The following DNAJC24 variants were observed in gnomAD, a reference collection of about 807,000 sequenced individuals.
DNAJC24 encodes the protein dnaJ homolog subfamily C member 24.
DNAJC24 carries 17 observed loss-of-function variants against 18.0 expected under a neutral mutation model. The observed-to-expected ratio is 0.94, with a 90% CI of 0.65 to 1.42. The LOEUF is 1.42. Ranked by LOEUF, DNAJC24 falls within the 40% of genes most tolerant of loss-of-function variation. The pLI is 0.00. For synonymous variants in DNAJC24, 55 were observed against 57.7 expected, an observed-to-expected ratio of 0.95 and a Z score of 0.21; for missense variants, 158 against 175.6, an observed-to-expected ratio of 0.90 and a Z score of 0.57.
In DNAJC24 at chr11:31,414,919, A is replaced by T; in HGVS notation, c.220A>T (p.Thr74Ser). 1 of 1,614,036 alleles carries T rather than the reference A, an allele frequency of 6.2e-7. No individual in the cohort carries two copies. ...QAWKILGNEE[T>S]KREYDLQRCE... is the part of the protein sequence containing the mutation. ...ATGGAAAATTCTAGGAAATGAAGAGACAAAAAGAGAGTATGACCTGCAGCG... is the reference window on the plus strand; with the variant it reads ...ATGGAAAATTCTAGGAAATGAAGAGTCAAAAAGAGAGTATGACCTGCAGCG... Residue 74 changes from threonine (T) to serine (S), a missense_variant, in exon 3 of 5, where the codon ACA (threonine) becomes TCA (serine). Physicochemically the swap from Thr to Ser is moderately conservative, Grantham distance 58. Transcript: ENST00000465995.
At chr11:31,375,154 G>A (rs2071067429) in intron 2 of DNAJC24, among the ~76,000 whole-genome samples, 1 of 134,318 alleles carries the variant, frequency 7.4e-6, no homozygotes, top group African/African-American at 2.5e-5. Flanking sequence ...ACGCCAGCCT[G>A]GGCGACAGAG....
chr11:31,389,263 C>A (rs1227511743), intron 2 of DNAJC24, among the ~76,000 whole-genome samples: 1 of 152,050 alleles, frequency 6.6e-6, no homozygotes, highest in East Asian at 1.9e-4. Flanking sequence ...CTACAAGAAA[C>A]CCACTTCACC....
At chr11:31,379,600 C>G (rs923854469) in intron 2 of DNAJC24, among the ~76,000 whole-genome samples, 2 of 152,144 alleles carry the variant, frequency 1.3e-5, no homozygotes, top group African/African-American at 4.8e-5. Flanking sequence ...TTAATTGAGA[C>G]TGCAGTGGTA....
intron 2 of DNAJC24, among the ~76,000 whole-genome samples, chr11:31,413,133 T>C (rs1293888740): frequency 1.3e-5 from 2 of 152,100 alleles, no homozygotes; most frequent in African/African-American, 4.8e-5. Context: ...TACCATTAAT[T>C]GAGGAATGTA....
intron 2 of DNAJC24, among the ~76,000 whole-genome samples, chr11:31,390,788 A>C (rs1952487821): frequency 6.6e-6 from 1 of 152,056 alleles, no homozygotes; most frequent in African/African-American, 2.4e-5. Flanking sequence ...TCTACCAAAC[A>C]TTTAAAGAAC....
Position 31,372,867 on chromosome 11 carries a change from A to G in DNAJC24, c.111+2008A>G, listed in dbSNP as rs974609542. On this transcript the variant is annotated intron_variant, in intron 2 of 4. Coordinates refer to ENST00000465995, the MANE Select transcript of DNAJC24 (RefSeq NM_181706.5). ...TGTAAGATGTGTGGCAGGATCCTAG[A>G]TGCCAGTAACAACCAAAAATGCCGC... Among the ~76,000 whole-genome samples, 2 of 134,464 alleles carry G rather than the reference A, an allele frequency of 1.5e-5. 1 individual carries two copies. The highest frequency in any genetic ancestry group is 3.4e-5 in the Non-Finnish European group (2 of 58,270). The allele number at this position is 134,464 out of a possible 152,430, so 88.2% of individuals were successfully genotyped here. A position where few individuals can be genotyped will look rare whatever the true frequency, so the allele number is the denominator to read the frequency against.
At chr11:31,376,465 A>T (rs1404032579) in intron 2 of DNAJC24, among the ~76,000 whole-genome samples, 1 of 152,240 alleles carries the variant, frequency 6.6e-6, no homozygotes, top group African/African-American at 2.4e-5. Context: ...GGAAGTATAG[A>T]GTAGTAAGTG....
intron 2 of DNAJC24, among the ~76,000 whole-genome samples, chr11:31,384,098 T>C (rs1564948037): frequency 6.6e-6 from 1 of 152,248 alleles, no homozygotes; most frequent in African/African-American, 2.4e-5. Context: ...ATGTATTTCA[T>C]CTTCATTTTG....
At chr11:31,378,010 A>G (rs1050417624) in intron 2 of DNAJC24, among the ~76,000 whole-genome samples, 2 of 152,234 alleles carry the variant, frequency 1.3e-5, no homozygotes, top group African/African-American at 4.8e-5. Context: ...TAAGCTAGTT[A>G]TGTCATCCAC....
chr11:31,407,696 A>AT (rs1387996382), intron 2 of DNAJC24, among the ~76,000 whole-genome samples: 3 of 119,030 alleles, frequency 2.5e-5, no homozygotes, highest in Non-Finnish European at 3.5e-5. Flanking sequence ...AAAAAAAAAA[A>AT]AAAAAAAAAA....
intron 2 of DNAJC24, among the ~76,000 whole-genome samples, chr11:31,384,190 A>G (rs1952405913): frequency 6.6e-6 from 1 of 152,170 alleles, no homozygotes; most frequent in African/African-American, 2.4e-5. Context: ...TATTCAGTGG[A>G]GGAAGTCTAC....
chr11:31,387,054 G>A (rs947834747), intron 2 of DNAJC24, among the ~76,000 whole-genome samples: 1 of 152,206 alleles, frequency 6.6e-6, no homozygotes, highest in Non-Finnish European at 1.5e-5. Context: ...ACATTGTCTT[G>A]TGGCTTGGGT....
intron 3 of DNAJC24, among the ~76,000 whole-genome samples, chr11:31,420,445 C>T (rs1315497458): frequency 1.3e-5 from 2 of 152,070 alleles, no homozygotes; most frequent in Non-Finnish European, 2.9e-5. Flanking sequence ...GACTTCAGCA[C>T]TTATAAATCC....
At chr11:31,414,495 C>T (rs370410649) in intron 2 of DNAJC24, among the ~76,000 whole-genome samples, 1 of 152,100 alleles carries the variant, frequency 6.6e-6, no homozygotes, top group African/African-American at 2.4e-5. Context: ...CTGCACGTAC[C>T]TATTTCTATT....
chr11:31,421,959 CT>C (rs1452033977), intron 3 of DNAJC24: 1 of 444,828 alleles, frequency 2.2e-6, no homozygotes, highest in Admixed American at 2.4e-5. Flanking sequence ...CTTTTAATCT[CT>C]TTGAATTGCA....
intron 3 of DNAJC24, among the ~76,000 whole-genome samples, chr11:31,417,522 T>A: frequency 6.6e-6 from 1 of 152,104 alleles, no homozygotes; most frequent in East Asian, 1.9e-4. Context: ...GAGAGTTTGT[T>A]ATAACCAGGT....
chr11:31,396,618 A>G (rs1252815062), intron 2 of DNAJC24, among the ~76,000 whole-genome samples: 1 of 152,156 alleles, frequency 6.6e-6, no homozygotes, highest in Non-Finnish European at 1.5e-5. Context: ...GGAGGGCTAC[A>G]GTAGCACAGT....
At chr11:31,399,114 G>A (rs1487815809) in intron 2 of DNAJC24, among the ~76,000 whole-genome samples, 1 of 152,142 alleles carries the variant, frequency 6.6e-6, no homozygotes, top group African/African-American at 2.4e-5. Flanking sequence ...TGGATATTAT[G>A]TAACCCACTG....
At chr11:31,418,191 G>A (rs1302889716) in intron 3 of DNAJC24, among the ~76,000 whole-genome samples, 3 of 152,090 alleles carry the variant, frequency 2.0e-5, no homozygotes, top group Non-Finnish European at 4.4e-5. Context: ...GCTGCTTCCA[G>A]TGTTCCCCTG....
Sources: gnomAD v4.1 joint callset for allele counts (sites outside exome capture counted in the v4.1 genomes callset) on GRCh38, gnomAD v4.1.1 for gene constraint, MANE v1.5 for transcripts, NCBI Gene and HGNC (gene_info 2026-07-23, HGNC 2026-07-21) for gene names.